CDC73: variants seen among roughly 807,000 people sequenced by gnomAD.
The protein encoded by CDC73 is parafibromin.
Under a neutral mutation model 83.7 loss-of-function variants are expected in CDC73, and 21 were observed. That is an observed-to-expected ratio of 0.25 (90% CI 0.18 to 0.36). The LOEUF (loss-of-function observed/expected upper bound fraction) is 0.36, where lower values mean the gene tolerates loss of function less well. Among genes scored for constraint, CDC73 ranks in the 10% least tolerant of loss-of-function variants. The pLI, the probability that CDC73 is intolerant of heterozygous loss-of-function variation, is 1.00. For missense variants in CDC73, 342 were observed against 653.3 expected, an observed-to-expected ratio of 0.52 and a Z score of 5.19; for synonymous variants, 224 against 212.9, an observed-to-expected ratio of 1.05 and a Z score of -0.45.
At chr1:193,127,289 ATGTG>A (rs34948918) in intron 2 of CDC73, among the ~76,000 whole-genome samples, 6,185 of 143,200 alleles carry the variant, frequency 0.043, 398 homozygotes, top group African/African-American at 0.15. Context: ...AAAAAAAAAA[ATGTG>A]TGTGTGTGTG....
chr1:193,217,459 T>C (rs1677389709), intron 13 of CDC73, among the ~76,000 whole-genome samples: 1 of 151,880 alleles, frequency 6.6e-6, no homozygotes, highest in South Asian at 2.1e-4. Context: ...AAGGGGATGG[T>C]TTTCCCCTGG....
chr1:193,130,989 T>TA (rs1328030035), intron 3 of CDC73, among the ~76,000 whole-genome samples: 4 of 152,202 alleles, frequency 2.6e-5, no homozygotes, highest in African/African-American at 2.4e-5. Context: ...TCTTTTTTTT[T>TA]ATCTTTTCTT....
At chr1:193,203,398 A>G (rs1468144194) in intron 10 of CDC73, among the ~76,000 whole-genome samples, 1 of 152,158 alleles carries the variant, frequency 6.6e-6, no homozygotes, top group Non-Finnish European at 1.5e-5. Flanking sequence ...ACAGGAGGGT[A>G]TATATCATTT....
intron 7 of CDC73, among the ~76,000 whole-genome samples, chr1:193,147,459 C>T (rs1396816231): frequency 1.3e-5 from 2 of 151,464 alleles, no homozygotes; most frequent in East Asian, 3.9e-4. Flanking sequence ...ACTCCGCCTC[C>T]CGTGTTCACA....
At position 193,163,707 on chromosome 1, in the gene CDC73, CATT is replaced by C. The variant is rs202032390; in HGVS notation, c.972+11265_972+11267del. Among the ~76,000 whole-genome samples, 195 of 152,154 alleles carry C rather than the reference CATT, an allele frequency of 1.3e-3. 3 individuals are homozygous for C. In the East Asian group the frequency reaches 0.029, roughly 22 times the overall value. On this transcript the variant is annotated intron_variant, in intron 10 of 16. Coordinates refer to ENST00000367435, the MANE Select transcript of CDC73 (RefSeq NM_024529.5). ...TATTATTTCTAACTTTCTGAGTCAT[CATT>C]AATATTTTTGAAAAGTTTGTATAAC...
chr1:193,153,577 TACTC>T (rs918052851), intron 10 of CDC73, among the ~76,000 whole-genome samples: 4 of 152,240 alleles, frequency 2.6e-5, no homozygotes, highest in Non-Finnish European at 5.9e-5. Flanking sequence ...TTACGTGTTT[TACTC>T]ACTCATTTCC....
intron 11 of CDC73, among the ~76,000 whole-genome samples, chr1:193,204,660 C>G (rs1464017736): frequency 6.6e-6 from 1 of 152,012 alleles, no homozygotes; most frequent in Non-Finnish European, 1.5e-5. Flanking sequence ...TTATAAAACA[C>G]TGTTTTTCAA....
chr1:193,235,187 CT>C (rs1395951110), intron 14 of CDC73, among the ~76,000 whole-genome samples: 1 of 152,062 alleles, frequency 6.6e-6, no homozygotes, highest in Admixed American at 6.6e-5. Context: ...TTTATCTGCC[CT>C]TAAATAGGAA....
At chr1:193,143,769 T>C (rs1675946566) in intron 7 of CDC73, among the ~76,000 whole-genome samples, 1 of 152,162 alleles carries the variant, frequency 6.6e-6, no homozygotes, top group Non-Finnish European at 1.5e-5. Context: ...TTACTAGTTA[T>C]CAGGGCTTTC....
chr1:193,225,911 A>G (rs1677559594), intron 13 of CDC73, among the ~76,000 whole-genome samples: 1 of 152,072 alleles, frequency 6.6e-6, no homozygotes, highest in Non-Finnish European at 1.5e-5. Context: ...TAGTTTAATT[A>G]GGTCTCAGCC....
At chr1:193,131,007 G>A (rs1443609797) in intron 3 of CDC73, among the ~76,000 whole-genome samples, 1 of 151,522 alleles carries the variant, frequency 6.6e-6, no homozygotes, top group East Asian at 1.9e-4. Flanking sequence ...CTTTTAACCT[G>A]TATTCTCTAG....
At chr1:193,197,777 T>C (rs1271335148) in intron 10 of CDC73, among the ~76,000 whole-genome samples, 2 of 151,580 alleles carry the variant, frequency 1.3e-5, no homozygotes, top group East Asian at 1.9e-4. Flanking sequence ...AATAGAAAAA[T>C]TAGCCAGGTT....
At chr1:193,158,731 T>C (rs1302831960) in intron 10 of CDC73, among the ~76,000 whole-genome samples, 1 of 152,166 alleles carries the variant, frequency 6.6e-6, no homozygotes, top group Non-Finnish European at 1.5e-5. Flanking sequence ...GGTTCTATCA[T>C]GTGTCCGCCT....
rs140387070 is a variant in CDC73, at chr1:193,159,426, G to A, written c.972+6982G>A. On this transcript the variant is annotated intron_variant, in intron 10 of 16. Coordinates refer to ENST00000367435, the MANE Select transcript of CDC73 (RefSeq NM_024529.5). ...CACTGTCTCACCCAGGCTGGAGTGC[G>A]GTAGCGTGATCTCAGCTCAGTGCAA... Among the ~76,000 whole-genome samples the A allele has an allele frequency of 9.4e-3, 1,436 of 152,046 alleles. 15 individuals are homozygous for A. The highest frequency in any genetic ancestry group is 0.034 in the South Asian group (163 of 4,808).
At chr1:193,199,433 C>T (rs1304482784) in intron 10 of CDC73, among the ~76,000 whole-genome samples, 5 of 152,106 alleles carry the variant, frequency 3.3e-5, no homozygotes, top group Middle Eastern at 6.8e-3. Flanking sequence ...AAGTTCAGGC[C>T]GGGCACGATG....
intron 2 of CDC73, among the ~76,000 whole-genome samples, chr1:193,127,289 A>ATGTT (rs1553277971): frequency 2.1e-5 from 3 of 143,188 alleles, no homozygotes; most frequent in Non-Finnish European, 3.0e-5. Context: ...AAAAAAAAAA[A>ATGTT]TGTGTGTGTG....
chr1:193,232,013 A>C (rs1420179329), intron 13 of CDC73, among the ~76,000 whole-genome samples: 2 of 152,178 alleles, frequency 1.3e-5, no homozygotes, highest in East Asian at 3.8e-4. Flanking sequence ...ATACTTTGTG[A>C]ACACTAGCAA....
chr1:193,250,432 G>T (rs978999031), intron 16 of CDC73, among the ~76,000 whole-genome samples: 1 of 151,762 alleles, frequency 6.6e-6, no homozygotes, highest in African/African-American at 2.4e-5. Flanking sequence ...CATTTTTGGT[G>T]CAAGTCTCTC....
At chr1:193,158,480 A>G (rs1455898733) in intron 10 of CDC73, among the ~76,000 whole-genome samples, 1 of 149,456 alleles carries the variant, frequency 6.7e-6, no homozygotes, top group Non-Finnish European at 1.5e-5. Context: ...TGTGCAAAGC[A>G]GCGAGACCCT....
Sources: gnomAD v4.1 joint callset for allele counts (sites outside exome capture counted in the v4.1 genomes callset) on GRCh38, gnomAD v4.1.1 for gene constraint, MANE v1.5 for transcripts, NCBI Gene and HGNC (gene_info 2026-07-23, HGNC 2026-07-21) for gene names.